The following SLC66A2 variants were observed in gnomAD, a reference collection of about 807,000 sequenced individuals.
SLC66A2 encodes the protein PQ loop repeat containing 1.
SLC66A2 carries 23 observed loss-of-function variants against 25.5 expected under a neutral mutation model. The observed-to-expected ratio is 0.90, with a 90% CI of 0.65 to 1.28. The LOEUF (loss-of-function observed/expected upper bound fraction) is 1.28. Among genes scored for constraint, SLC66A2 ranks in the 50% most tolerant of loss-of-function variants. The probability of loss-of-function intolerance (pLI) is 0.00; values close to 1 mark genes in which losing one functional copy is unlikely to be tolerated. For missense variants in SLC66A2, 396 were observed against 373.1 expected (o/e 1.06, Z -0.51); for synonymous variants, 193 against 166.5 (o/e 1.16, Z -1.23).
rs969526677 is a variant in SLC66A2 at position 79,912,087 on chromosome 18, G to A, written c.608+7097C>T. On this transcript the variant is annotated intron_variant, in intron 5 of 5. Transcript: ENST00000397778. Reference sequence around the variant, plus strand: ...GGGGATGGCAGCAGGGAGGGGACAAGAGCAGGAAGGGGACAGGAGTGGGGG... The same window carrying A: ...GGGGATGGCAGCAGGGAGGGGACAAAAGCAGGAAGGGGACAGGAGTGGGGG... 1.4e-4 allele frequency among the ~76,000 whole-genome samples: 18 copies of A among 133,236 alleles called. 1 individual carries two copies. Among genetic ancestry groups the A allele is most frequent in the Non-Finnish European group, 9.6e-5 (6 of 62,196 alleles). The allele number at this position is 133,236 out of a possible 152,430, so 87.4% of individuals were successfully genotyped here.
chr18:79,911,506 G>A (rs1228856312), intron 5 of SLC66A2, among the ~76,000 whole-genome samples: 1 of 152,222 alleles, frequency 6.6e-6, no homozygotes, highest in Non-Finnish European at 1.5e-5. Flanking sequence ...CCAGGTCACC[G>A]CCCGGCTCCC....
chr18:79,909,502 G>A (rs192154664), intron 5 of SLC66A2, among the ~76,000 whole-genome samples: 34 of 149,154 alleles, frequency 2.3e-4, no homozygotes, highest in African/African-American at 8.0e-4. Flanking sequence ...CCTCACCAGA[G>A]TCCCCAGCCT....
chr18:79,943,615 G>A (rs1987906686), intron 2 of SLC66A2, 153 bp from the exon 3 acceptor site: 8 of 875,552 alleles, frequency 9.1e-6, no homozygotes, highest in Admixed American at 2.8e-5. Flanking sequence ...CCTGTGTCAG[G>A]CCCACCCACA....
chr18:79,925,014 C>T (rs1053573052), intron 4 of SLC66A2: 4 of 152,334 alleles, frequency 2.6e-5, no homozygotes, highest in African/African-American at 7.2e-5. Flanking sequence ...GAGAAGTCGG[C>T]GGACACGGGG....
intron 2 of SLC66A2, among the ~76,000 whole-genome samples, chr18:79,944,946 A>T (rs1175780069): frequency 7.6e-6 from 1 of 131,326 alleles, no homozygotes; most frequent in Admixed American, 8.2e-5. Context: ...CCTTATCAAC[A>T]CAGAGCAGAA....
rs938117144 is a variant in SLC66A2, at chr18:79,940,342, C to T, written c.337+2987G>A. Reference sequence around the variant, plus strand: ...CACTGGCCGGGCGCAGTGGGTCACGCCCGTAATGCCAGCACTTCGGGAGGC... The same window carrying T: ...CACTGGCCGGGCGCAGTGGGTCACGTCCGTAATGCCAGCACTTCGGGAGGC... On this transcript the variant is annotated intron_variant, in intron 3 of 5. Transcript: ENST00000397778. This position sits in a 1 kb window ranked among gnomAD's most constrained non-coding sequence, Gnocchi z 4.1. 4.6e-5 allele frequency among the ~76,000 whole-genome samples: 7 copies of T among 152,142 alleles called. No individual in the cohort carries two copies. Among genetic ancestry groups the T allele is most frequent in the African/African-American group, 1.7e-4 (7 of 41,434 alleles).
rs565582806 is a variant in SLC66A2 at position 79,904,387 on chromosome 18, A to C, written c.609-204T>G. ...GAGGGGACACCCAGTCTACAGGGTGACCCAGGGGTCAGGGACACCCCAGGG... is the reference window on the plus strand; with the variant it reads ...GAGGGGACACCCAGTCTACAGGGTGCCCCAGGGGTCAGGGACACCCCAGGG... On this transcript the variant is annotated intron_variant, in intron 5 of 5. Coordinates refer to ENST00000397778, the MANE Select transcript of SLC66A2 (RefSeq NM_025078.5). This position sits in a 1 kb window ranked among gnomAD's most constrained non-coding sequence, Gnocchi z 6.3. 6.6e-6 allele frequency among the ~76,000 whole-genome samples: 1 copy of C among 151,502 alleles called. No homozygotes were observed. The highest frequency in any genetic ancestry group is 1.5e-5 in the Non-Finnish European group (1 of 67,824).
intron 5 of SLC66A2, among the ~76,000 whole-genome samples, chr18:79,909,862 T>TCTCACCAC (rs1278050478): frequency 9.7e-5 from 5 of 51,516 alleles, no homozygotes; most frequent in Non-Finnish European, 1.1e-4. Flanking sequence ...TTCCCCACCA[T>TCTCACCAC]CTCACCACAG....
At position 79,918,821 on chromosome 18, in the gene SLC66A2, C is replaced by G. The variant is rs1984609833; in HGVS notation, c.608+363G>C. Among the ~76,000 whole-genome samples, 1 of 152,230 alleles carries G rather than the reference C, an allele frequency of 6.6e-6. No individual in the cohort carries two copies. The highest frequency in any genetic ancestry group is 6.5e-5 in the Admixed American group (1 of 15,286). ...CAAGGCAGCCCCCAGACCACCTTCC[C>G]TGCCCCACCAGACCCGCCCTGACCC... On this transcript the variant is annotated intron_variant, in intron 5 of 5. Coordinates refer to ENST00000397778, the MANE Select transcript of SLC66A2 (RefSeq NM_025078.5). This position sits in a 1 kb window ranked among gnomAD's most constrained non-coding sequence, Gnocchi z 4.0.
At chr18:79,915,205 A>AT (rs1383455836) in intron 5 of SLC66A2, among the ~76,000 whole-genome samples, 16 of 152,100 alleles carry the variant, frequency 1.1e-4, no homozygotes, top group African/African-American at 3.4e-4. Context: ...AAACCGCCCG[A>AT]TGGTCACTCT....
chr18:79,925,493 G>C (rs990668542), intron 4 of SLC66A2, among the ~76,000 whole-genome samples: 1 of 152,194 alleles, frequency 6.6e-6, no homozygotes, highest in Admixed American at 6.5e-5. Context: ...TCCAGGCTTG[G>C]GGGGCTCACC....
intron 3 of SLC66A2, among the ~76,000 whole-genome samples, chr18:79,934,785 T>A (rs1480025156): frequency 6.6e-6 from 1 of 152,148 alleles, no homozygotes; most frequent in East Asian, 1.9e-4. Context: ...AAAGCAGAAG[T>A]AGGATCAAAG....
intron 2 of SLC66A2, among the ~76,000 whole-genome samples, chr18:79,950,449 G>A (rs920140247): frequency 8.5e-5 from 13 of 152,238 alleles, no homozygotes; most frequent in African/African-American, 3.1e-4. Flanking sequence ...CCAGCTGAGA[G>A]GTCCCTGCTA....
intron 4 of SLC66A2, among the ~76,000 whole-genome samples, chr18:79,924,394 G>A (rs975142326): frequency 1.3e-5 from 2 of 152,180 alleles, no homozygotes; most frequent in African/African-American, 4.8e-5. Context: ...CGCACAGACA[G>A]CAGACGAGCC....
chr18:79,937,713 G>T lies in SLC66A2; in HGVS notation c.338-3691C>A, dbSNP rs1044451705. Among the ~76,000 whole-genome samples, 2 of 152,148 alleles carry T rather than the reference G, an allele frequency of 1.3e-5. No homozygotes were observed. The highest frequency in any genetic ancestry group is 4.8e-5 in the African/African-American group (2 of 41,426). ...AAACACAAGAACCAAACCTGGATCC[G>T]ATAGGGCCTCAGGGTCCGCTATCTT... On this transcript the variant is annotated intron_variant, in intron 3 of 5. Coordinates refer to ENST00000397778, the MANE Select transcript of SLC66A2 (RefSeq NM_025078.5). The surrounding 1 kb of genome is among the most constrained non-coding windows in gnomAD (Gnocchi z 5.4).
At chr18:79,942,441 A>G (rs1249764273) in intron 3 of SLC66A2, among the ~76,000 whole-genome samples, 1 of 152,192 alleles carries the variant, frequency 6.6e-6, no homozygotes, top group Non-Finnish European at 1.5e-5. Context: ...AGAGGTGGGA[A>G]TCCTCTCCAA....
At chr18:79,905,196 C>T (rs1981913556) in intron 5 of SLC66A2, among the ~76,000 whole-genome samples, 1 of 152,250 alleles carries the variant, frequency 6.6e-6, no homozygotes, top group East Asian at 1.9e-4. Context: ...TCATTACACC[C>T]ACTGGGAAAA....
chr18:79,948,839 C>T (rs2051019875), intron 2 of SLC66A2, among the ~76,000 whole-genome samples: 1 of 152,170 alleles, frequency 6.6e-6, no homozygotes, highest in South Asian at 2.1e-4. Context: ...TAGCAGGTGG[C>T]CTGCCGACCA....
chr18:79,913,669 C>G (rs1331677235), intron 5 of SLC66A2, among the ~76,000 whole-genome samples: 3 of 152,228 alleles, frequency 2.0e-5, no homozygotes, highest in Admixed American at 6.5e-5. Context: ...GTACACGAGA[C>G]ACAGGACTTT....
Sources: gnomAD v4.1 joint callset for allele counts (sites outside exome capture counted in the v4.1 genomes callset) on GRCh38, gnomAD v4.1.1 for gene constraint, Gnocchi (gnomAD v3.1) non-coding constraint, MANE v1.5 for transcripts, NCBI Gene and HGNC (gene_info 2026-07-23, HGNC 2026-07-21) for gene names.